The following ZNF804B variants were observed in gnomAD, a reference collection of about 807,000 sequenced individuals.
ZNF804B encodes the protein zinc finger 804B.
Under a neutral mutation model 101.4 loss-of-function variants are expected in ZNF804B, and 80 were observed. The ratio of observed to expected loss-of-function variants is 0.79; its 90% CI spans 0.66 to 0.95. ZNF804B has a LOEUF of 0.95. ZNF804B is among the 40% of genes least tolerant of loss of function. The probability of loss-of-function intolerance (pLI) is 0.00; values close to 1 mark genes in which losing one functional copy is unlikely to be tolerated. For missense variants in ZNF804B, 1,673 were observed against 1,561.9 expected (o/e 1.07, Z -1.20); for synonymous variants, 622 against 558.8 (o/e 1.11, Z -1.59).
At chr7:88,980,124 G>C (rs962752469) in intron 1 of ZNF804B, among the ~76,000 whole-genome samples, 6 of 151,722 alleles carry the variant, frequency 4.0e-5, no homozygotes, top group African/African-American at 1.5e-4. Flanking sequence ...GTGCAGGTTA[G>C]TTACATGTGT....
chr7:89,296,330 ATGTT>A (rs1258986006), intron 2 of ZNF804B, among the ~76,000 whole-genome samples: 2 of 152,152 alleles, frequency 1.3e-5, no homozygotes, highest in East Asian at 1.9e-4. Flanking sequence ...TTAAAATAAA[ATGTT>A]TGACCTCTTT....
chr7:89,241,456 A>G (rs1308210435), intron 2 of ZNF804B, among the ~76,000 whole-genome samples: 1 of 152,046 alleles, frequency 6.6e-6, no homozygotes, highest in East Asian at 1.9e-4. Context: ...AGTCTGTCTC[A>G]CTAATTTCCT....
At chr7:89,130,595 A>C (rs1584004061) in intron 1 of ZNF804B, among the ~76,000 whole-genome samples, 3 of 151,948 alleles carry the variant, frequency 2.0e-5, no homozygotes, top group African/African-American at 7.2e-5. Flanking sequence ...GAAGGATAAA[A>C]GGGGTGAAAT....
At chr7:89,092,456 A>G (rs887993424) in intron 1 of ZNF804B, among the ~76,000 whole-genome samples, 4 of 113,596 alleles carry the variant, frequency 3.5e-5, no homozygotes, top group African/African-American at 1.4e-4. Flanking sequence ...TCTCTTGCCC[A>G]GGCTGGAGTA....
rs1195918377 is a variant in ZNF804B, at chr7:88,847,945, A to G, written c.108+87861A>G. Among the ~76,000 whole-genome samples, 3 of 152,218 alleles carry G rather than the reference A, an allele frequency of 2.0e-5. No homozygotes were observed. The East Asian group carries it at 5.8e-4, about 29-fold the overall frequency. ...GGAGGAGGAACCATGTTGAAAAACCATGATTCACAGACATGAATCAGCATA... is the reference window on the plus strand; with the variant it reads ...GGAGGAGGAACCATGTTGAAAAACCGTGATTCACAGACATGAATCAGCATA... On this transcript the variant is annotated intron_variant, in intron 1 of 3. Transcript: ENST00000333190.
At chr7:89,042,138 A>G (rs761712928) in intron 1 of ZNF804B, among the ~76,000 whole-genome samples, 15 of 152,192 alleles carry the variant, frequency 9.9e-5, no homozygotes, top group Non-Finnish European at 1.6e-4. Flanking sequence ...CTCTGGAACC[A>G]GACAGAGAAG....
At chr7:88,819,166 C>A (rs1044328312) in intron 1 of ZNF804B, among the ~76,000 whole-genome samples, 2 of 152,120 alleles carry the variant, frequency 1.3e-5, no homozygotes, top group Admixed American at 6.5e-5. Context: ...TTCCGTCACC[C>A]AGGCTGGAAT....
At chr7:88,997,550 C>G (rs148674477) in intron 1 of ZNF804B, among the ~76,000 whole-genome samples, 1,922 of 152,106 alleles carry the variant, frequency 0.013, 54 homozygotes, top group African/African-American at 0.043. Flanking sequence ...CTACATGTGG[C>G]ATACATTTCT....
At chr7:89,039,445 C>T (rs1788980837) in intron 1 of ZNF804B, among the ~76,000 whole-genome samples, 2 of 151,806 alleles carry the variant, frequency 1.3e-5, no homozygotes, top group South Asian at 2.1e-4. Flanking sequence ...TATTTCTAAG[C>T]ATTTTGTTTT....
At chr7:88,777,993 A>G (rs1335559620) in intron 1 of ZNF804B, among the ~76,000 whole-genome samples, 2 of 152,168 alleles carry the variant, frequency 1.3e-5, no homozygotes, top group Non-Finnish European at 2.9e-5. Flanking sequence ...CTCACACCTC[A>G]TGTATTAGTT....
intron 1 of ZNF804B, among the ~76,000 whole-genome samples, chr7:88,931,341 G>T (rs942178778): frequency 1.3e-5 from 2 of 151,836 alleles, no homozygotes; most frequent in Admixed American, 6.6e-5. Context: ...AAGGTTTTAT[G>T]CATCTGTCTG....
intron 1 of ZNF804B, among the ~76,000 whole-genome samples, chr7:88,822,394 C>G (rs902189105): frequency 1.3e-5 from 2 of 152,118 alleles, no homozygotes; most frequent in Admixed American, 1.3e-4. Context: ...ATATTATTGT[C>G]ATTACTGTTT....
At chr7:89,060,737 T>C (rs1789367240) in intron 1 of ZNF804B, among the ~76,000 whole-genome samples, 1 of 152,188 alleles carries the variant, frequency 6.6e-6, no homozygotes, top group Non-Finnish European at 1.5e-5. Context: ...AGAGTTTTAA[T>C]TTATCTTATA....
intron 1 of ZNF804B, among the ~76,000 whole-genome samples, chr7:88,938,653 G>T (rs985267560): frequency 6.6e-6 from 1 of 151,968 alleles, no homozygotes; most frequent in Non-Finnish European, 1.5e-5. Context: ...GTATATACTG[G>T]CTTTCTAAAA....
chr7:89,217,257 G>A (rs1158570329), intron 1 of ZNF804B, among the ~76,000 whole-genome samples: 2 of 152,176 alleles, frequency 1.3e-5, no homozygotes, highest in East Asian at 3.8e-4. Flanking sequence ...GGTATATTGA[G>A]AAGGTTGGCT....
chr7:89,154,066 G>T (rs1053649923), intron 1 of ZNF804B, among the ~76,000 whole-genome samples: 2 of 151,916 alleles, frequency 1.3e-5, no homozygotes, highest in Admixed American at 1.3e-4. Flanking sequence ...TCAAAAAATG[G>T]GCAGAAGTTT....
rs796987599 is a variant in ZNF804B at position 88,854,533 on chromosome 7, T to TTCCTTTCCTTTCCTTC, written c.108+94449_108+94450insTCCTTTCCTTTCCTTC. On this transcript the variant is annotated intron_variant, in intron 1 of 3. Coordinates refer to ENST00000333190, the MANE Select transcript of ZNF804B (RefSeq NM_181646.5). ...TTTCCTTTCCTTTCCTTCCTTTCCT[T>TTCCTTTCCTTTCCTTC]CCTTCCTTCCTTCCTTCCTTCCTTC... 1.3e-3 allele frequency among the ~76,000 whole-genome samples: 102 copies of TTCCTTTCCTTTCCTTC among 78,180 alleles called. 3 individuals are homozygous for TTCCTTTCCTTTCCTTC. The highest frequency in any genetic ancestry group is 4.7e-3 in the South Asian group (8 of 1,708). 51.3% of individuals were successfully genotyped at this position (78,180 alleles called of 152,430 possible). A position where few individuals can be genotyped will look rare whatever the true frequency, so the allele number is the denominator to read the frequency against.
intron 2 of ZNF804B, among the ~76,000 whole-genome samples, chr7:89,264,919 C>T (rs1789762384): frequency 6.6e-6 from 1 of 152,202 alleles, no homozygotes; most frequent in African/African-American, 2.4e-5. Flanking sequence ...ACAGATTCTT[C>T]ATTCAAACAA....
In ZNF804B at chr7:88,942,526, G is replaced by GTGTGTA. The variant is rs1554348170; in HGVS notation, c.108+182447_108+182448insATGTGT. Among the ~76,000 whole-genome samples, 68 of 149,014 alleles carry GTGTGTA rather than the reference G, an allele frequency of 4.6e-4. No individual in the cohort carries two copies. In the East Asian group the frequency reaches 4.6e-3, roughly 10 times the overall value. The stretch of plus-strand genomic sequence containing the variant: ...AGTGTGTGTGTGTGTGTGTGTGTGT[G>GTGTGTA]TGTGTTTTGCATTGAATTATCGTAA... On this transcript the variant is annotated intron_variant, in intron 1 of 3. Transcript: ENST00000333190.
Sources: gnomAD v4.1 joint callset for allele counts (sites outside exome capture counted in the v4.1 genomes callset) on GRCh38, gnomAD v4.1.1 for gene constraint, MANE v1.5 for transcripts, NCBI Gene and HGNC (gene_info 2026-07-23, HGNC 2026-07-21) for gene names.